Variants in CCL28 observed in about 807,000 individuals in gnomAD.
CCL28 encodes the protein C-C motif chemokine ligand 28.
In CCL28, 4 loss-of-function variants were observed where a neutral mutation model predicts 7.1. That is an observed-to-expected ratio of 0.56 (90% confidence interval 0.28 to 1.29). The LOEUF (loss-of-function observed/expected upper bound fraction) is 1.29. Among genes scored for constraint, CCL28 ranks in the 50% most tolerant of loss-of-function variants. CCL28 has a pLI of 0.11. For missense variants in CCL28, 151 were observed against 163.4 expected, an observed-to-expected ratio of 0.92 and a Z score of 0.41; for synonymous variants, 55 against 57.8, an observed-to-expected ratio of 0.95 and a Z score of 0.22.
At chr5:43,368,951 C>A in the CCL28 span, among the ~76,000 whole-genome samples, 817 of 133,690 alleles carry the variant, frequency 6.1e-3, 7 homozygotes, top group African/African-American at 0.022. Context: ...GCAACCCTAG[C>A]AAACTCATAC....
chr5:43,400,405 C>T (rs1363013853), intron 1 of CCL28, among the ~76,000 whole-genome samples: 2 of 152,244 alleles, frequency 1.3e-5, no homozygotes, highest in African/African-American at 2.4e-5. Flanking sequence ...AGGCAGGTCT[C>T]GAACTCCTGG....
intron 1 of CCL28, among the ~76,000 whole-genome samples, chr5:43,395,363 G>T (rs1248363113): frequency 2.0e-5 from 3 of 152,090 alleles, no homozygotes; most frequent in Middle Eastern, 6.8e-3. Flanking sequence ...TGAAGTGAAG[G>T]TTCCTGTGCA....
the CCL28 span, among the ~76,000 whole-genome samples, chr5:43,363,221 C>T: frequency 6.6e-6 from 1 of 152,146 alleles, no homozygotes; most frequent in African/African-American, 2.4e-5. Context: ...GTTGCTACCA[C>T]AGTGTTATGT....
chr5:43,369,055 A>AGAGAGAGG, the CCL28 span, among the ~76,000 whole-genome samples: 1 of 44,684 alleles, frequency 2.2e-5, no homozygotes, highest in African/African-American at 1.3e-4. Context: ...AGAGAGAGAG[A>AGAGAGAGG]GAGAGAGAGA....
At chr5:43,368,088 G>A in the CCL28 span, among the ~76,000 whole-genome samples, 3 of 152,176 alleles carry the variant, frequency 2.0e-5, no homozygotes, top group Non-Finnish European at 4.4e-5. Flanking sequence ...CACTTAAAGG[G>A]TTTGGCTCTG....
downstream of CCL28, among the ~76,000 whole-genome samples, chr5:43,371,976 G>A (rs1209982816): frequency 1.3e-5 from 2 of 152,228 alleles, no homozygotes; most frequent in African/African-American, 4.8e-5. Context: ...GCAAAGGGGA[G>A]CCAGTGTGGA....
the CCL28 span, among the ~76,000 whole-genome samples, chr5:43,362,727 C>G: frequency 1.3e-5 from 2 of 152,156 alleles, no homozygotes; most frequent in Non-Finnish European, 2.9e-5. Context: ...AGAAATTGGC[C>G]TGATTTTAAC....
chr5:43,408,893 C>CTTTTT (rs35098260), intron 1 of CCL28, among the ~76,000 whole-genome samples: 1 of 141,896 alleles, frequency 7.0e-6, no homozygotes. Flanking sequence ...TAATTTTTTA[C>CTTTTT]TTTTTTTTTT....
At chr5:43,357,307 G>A in the CCL28 span, among the ~76,000 whole-genome samples, 3 of 152,178 alleles carry the variant, frequency 2.0e-5, no homozygotes, top group Non-Finnish European at 2.9e-5. Context: ...TTTGTGGGAG[G>A]AACTGCAAAG....
chr5:43,400,891 GACTAACATGGTGAAACCCCGTCTCT>G, intron 1 of CCL28, among the ~76,000 whole-genome samples: 1 of 152,126 alleles, frequency 6.6e-6, no homozygotes. Flanking sequence ...GAGACAGCCT[GACTAACATGGTGAAACCCCGTCTCT>G]ACTAAAAATA....
At chr5:43,365,219 G>T in the CCL28 span, among the ~76,000 whole-genome samples, 1 of 151,938 alleles carries the variant, frequency 6.6e-6, no homozygotes, top group African/African-American at 2.4e-5. Context: ...TAGCCAGGAT[G>T]GTCTCGATCT....
At chr5:43,361,068 A>G in the CCL28 span, among the ~76,000 whole-genome samples, 4 of 152,094 alleles carry the variant, frequency 2.6e-5, no homozygotes, top group Admixed American at 2.6e-4. Flanking sequence ...AAGAACATGC[A>G]GTGTTTGGTT....
At chr5:43,364,636 A>G in the CCL28 span, among the ~76,000 whole-genome samples, 1 of 152,046 alleles carries the variant, frequency 6.6e-6, no homozygotes, top group Non-Finnish European at 1.5e-5. Flanking sequence ...TGTCTCATTG[A>G]TCTAATATTG....
At chr5:43,372,202 C>T (rs187337362), downstream of CCL28, among the ~76,000 whole-genome samples, 58 of 152,272 alleles carry the variant, frequency 3.8e-4, no homozygotes, top group African/African-American at 1.3e-3. Context: ...TTTTGGGGGG[C>T]AAACATAGCT....
At chr5:43,388,594 G>A (rs1233450511) in intron 1 of CCL28, 118 bp from the exon 2 acceptor site, 2 of 974,732 alleles carry the variant, frequency 2.1e-6, no homozygotes, top group Non-Finnish European at 3.0e-6. Context: ...GGGCAAACAT[G>A]GCTTTGTGAA....
At chr5:43,400,614 G>A (rs1424150104) in intron 1 of CCL28, among the ~76,000 whole-genome samples, 2 of 152,170 alleles carry the variant, frequency 1.3e-5, no homozygotes. Context: ...GCATCACCTG[G>A]GAGCTGATTA....
At chr5:43,367,116 A>ACTG in the CCL28 span, among the ~76,000 whole-genome samples, 1 of 152,218 alleles carries the variant, frequency 6.6e-6, no homozygotes, top group African/African-American at 2.4e-5. Flanking sequence ...TGGACTTCAG[A>ACTG]CTGCTGTGCT....
downstream of CCL28, among the ~76,000 whole-genome samples, chr5:43,378,250 CT>C (rs60338867): frequency 0.075 from 11,419 of 151,914 alleles, 1,058 homozygotes; most frequent in African/African-American, 0.22. Context: ...ACTAGGGAGG[CT>C]GAGGTAAAAG....
the CCL28 span, among the ~76,000 whole-genome samples, chr5:43,359,443 G>T: frequency 1.3e-5 from 2 of 152,232 alleles, no homozygotes; most frequent in African/African-American, 4.8e-5. Flanking sequence ...TCGTGCTATT[G>T]TTTGTGGCTT....
Sources: gnomAD v4.1 joint callset for allele counts (sites outside exome capture counted in the v4.1 genomes callset) on GRCh38, gnomAD v4.1.1 for gene constraint, MANE v1.5 for transcripts, NCBI Gene and HGNC (gene_info 2026-07-23, HGNC 2026-07-21) for gene names.